Variants in CCDC90B observed in about 807,000 individuals in gnomAD.
The protein encoded by CCDC90B is coiled-coil domain-containing protein 90B, mitochondrial.
Under a neutral mutation model 37.0 loss-of-function variants are expected in CCDC90B, and 24 were observed. The observed-to-expected ratio is 0.65, with a 90% CI of 0.47 to 0.91. The LOEUF (loss-of-function observed/expected upper bound fraction) is 0.91, where lower values mean the gene tolerates loss of function less well. Among genes scored for constraint, CCDC90B ranks in the 40% least tolerant of loss-of-function variants. The pLI, the probability that CCDC90B is intolerant of heterozygous loss-of-function variation, is 0.00. For synonymous variants in CCDC90B, 113 were observed against 101.1 expected (o/e 1.12, Z -0.71); for missense variants, 319 against 299.0 (o/e 1.07, Z -0.49).
chr11:83,266,074 G>A (rs763734288), intron 7 of CCDC90B, 95 bp from the exon 8 acceptor site: 3 of 647,518 alleles, frequency 4.6e-6, no homozygotes, highest in South Asian at 3.9e-5. Flanking sequence ...TGGGCTAATT[G>A]TGATATAAAA....
At chr11:83,267,479 C>A (rs1337510929) in intron 7 of CCDC90B, 2 of 152,078 alleles carry the variant, frequency 1.3e-5, no homozygotes, top group Non-Finnish European at 2.9e-5. Flanking sequence ...GCCCAAGCTT[C>A]AACAGCTGAT....
At position 83,273,854 on chromosome 11, in the gene CCDC90B, C is replaced by G; in HGVS notation, c.479G>C (p.Ser160Thr). 1.2e-6 allele frequency: 2 copies of G among 1,609,026 alleles called. No homozygotes were observed. Among genetic ancestry groups the G allele is most frequent in the Non-Finnish European group, 1.7e-6 (2 of 1,177,564 alleles). Reference protein sequence around the residue: ...QVKQQLMHETSRIRADNKLDI... With the variant: ...QVKQQLMHETTRIRADNKLDI... The stretch of plus-strand genomic sequence containing the variant: ...CAGTTTATTATCTGCTCTGATTCGA[C>G]TGGTTTCATGCTTTAAAGAAAGCAA... The change falls in exon 6 of 9, where the codon AGT becomes ACT. Residue 160 changes from serine to threonine, a missense_variant. Coordinates refer to ENST00000529689, the MANE Select transcript of CCDC90B (RefSeq NM_021825.5).
chr11:83,266,442 A>C (rs1435995595), intron 7 of CCDC90B, among the ~76,000 whole-genome samples: 2 of 152,256 alleles, frequency 1.3e-5, no homozygotes, highest in African/African-American at 4.8e-5. Flanking sequence ...CTGGCAGACA[A>C]GGAGATTCTC....
At chr11:83,263,642 C>T (rs1183994847) in intron 8 of CCDC90B, among the ~76,000 whole-genome samples, 1 of 152,096 alleles carries the variant, frequency 6.6e-6, no homozygotes, top group Non-Finnish European at 1.5e-5. Flanking sequence ...GGCGTCTGAC[C>T]CACGATGAAC....
intron 8 of CCDC90B, 80 bp downstream of exon 8, chr11:83,265,785 C>T: frequency 4.8e-6 from 4 of 830,328 alleles, no homozygotes; most frequent in Admixed American, 2.4e-5. Flanking sequence ...CCTTTTTTTC[C>T]TGTGCCTGCT....
intron 2 of CCDC90B, among the ~76,000 whole-genome samples, chr11:83,279,883 CTA>C (rs773861633): frequency 1.3e-5 from 2 of 151,810 alleles, no homozygotes; most frequent in Non-Finnish European, 2.9e-5. Context: ...CCTAGAAACT[CTA>C]GTTTTTTTTC....
chr11:83,264,873 C>T (rs1052514751), intron 8 of CCDC90B, among the ~76,000 whole-genome samples: 7 of 148,208 alleles, frequency 4.7e-5, no homozygotes, highest in Non-Finnish European at 1.0e-4. Context: ...AAACCAAACA[C>T]TGCATATTCT....
intron 7 of CCDC90B, among the ~76,000 whole-genome samples, chr11:83,268,768 T>G (rs997034621): frequency 2.0e-5 from 3 of 152,162 alleles, no homozygotes; most frequent in Non-Finnish European, 4.4e-5. Flanking sequence ...TTAATAGACA[T>G]CTACAGAACT....
chr11:83,281,633 T>C (rs1023957679), intron 1 of CCDC90B, among the ~76,000 whole-genome samples: 10 of 152,074 alleles, frequency 6.6e-5, no homozygotes, highest in Admixed American at 3.3e-4. Flanking sequence ...TGCCTTTGTG[T>C]GTAAATATCA....
At chr11:83,277,343 A>C (rs538972753) in intron 3 of CCDC90B, among the ~76,000 whole-genome samples, 34 of 152,302 alleles carry the variant, frequency 2.2e-4, no homozygotes, top group African/African-American at 7.9e-4. Context: ...CTTTTTCTTT[A>C]GTGGATTTAG....
At position 83,285,084 on chromosome 11, in the gene CCDC90B, A is replaced by G. The variant is rs1865600667; in HGVS notation, c.100+789T>C. The G allele has an allele frequency of 6.3e-6, 7 of 1,116,788 alleles. No individual in the cohort carries two copies. In the South Asian group the frequency reaches 1.2e-4, roughly 18 times the overall value. 69.2% of individuals were successfully genotyped at this position (1,116,788 alleles called of 1,614,324 possible). ...GCACAAGTAACAATATGGAGTATAAATAACAGCGTAGAAGTGTTTGGGTAC... is the reference window on the plus strand; with the variant it reads ...GCACAAGTAACAATATGGAGTATAAGTAACAGCGTAGAAGTGTTTGGGTAC... On this transcript the variant is annotated intron_variant, in intron 1 of 8. Transcript: ENST00000529689.
intron 8 of CCDC90B, 88 bp from the exon 9 acceptor site, chr11:83,262,054 G>A: frequency 4.6e-6 from 4 of 866,738 alleles, no homozygotes; most frequent in South Asian, 1.9e-5. Flanking sequence ...TAAGTGAAGA[G>A]CAAAAAACAG....
chr11:83,265,963 C>G lies in CCDC90B; in HGVS notation c.611G>C (p.Ser204Thr). The G allele has an allele frequency of 2.5e-6, 4 of 1,604,434 alleles. No individual in the cohort carries two copies. The highest frequency in any genetic ancestry group is 3.4e-6 in the Non-Finnish European group (4 of 1,171,774). Residue 204 changes from serine (S) to threonine (T), a missense_variant, in exon 8 of 9, where the codon AGT becomes ACT. By Grantham distance (58) the Ser-to-Thr change is moderately conservative (BLOSUM62 1). Coordinates refer to ENST00000529689, the MANE Select transcript of CCDC90B (RefSeq NM_021825.5). Reference sequence around the variant, plus strand: ...TTTATTACTGGTCTCTGAAATAATACTTTTGGTTTGAGTATCCTGTGGTAA... The same window carrying G: ...TTTATTACTGGTCTCTGAAATAATAGTTTTGGTTTGAGTATCCTGTGGTAA... Reference protein sequence around the residue: ...EFTKKDTQTKSIISETSNKID... With the variant: ...EFTKKDTQTKTIISETSNKID...
intron 1 of CCDC90B, 173 bp downstream of exon 1, chr11:83,285,700 G>C (rs891202597): frequency 8.4e-6 from 12 of 1,432,784 alleles, no homozygotes; most frequent in Non-Finnish European, 1.0e-5. Context: ...CTCGCCCCTT[G>C]GGGCGAGCTG....
rs1377387574 is a variant in CCDC90B, at chr11:83,260,440, AAT to A, written c.*1469_*1470del. The A allele has an allele frequency of 2.0e-5, 3 of 152,204 alleles. No homozygotes were observed. The highest frequency in any genetic ancestry group is 2.9e-5 in the Non-Finnish European group (2 of 68,032). The allele number at this position is 152,204 out of a possible 1,614,324, so 9.4% of individuals were successfully genotyped here. A position where few individuals can be genotyped will look rare whatever the true frequency, so the allele number is the denominator to read the frequency against. On this transcript the variant is annotated 3_prime_UTR_variant, in exon 9 of 9. Transcript: ENST00000529689. ...TAATATACTAAGAACTCTCTTAGGC[AAT>A]AGAGATAAAAATGAATCAGAATGTA...
chr11:83,285,791 G>C lies in CCDC90B; in HGVS notation c.100+82C>G, dbSNP rs1399071883. 4.6e-6 allele frequency: 7 copies of C among 1,512,274 alleles called. No homozygotes were observed. In the Admixed American group the frequency reaches 1.5e-4, roughly 32 times the overall value. The allele number at this position is 1,512,274 out of a possible 1,614,324, so 93.7% of individuals were successfully genotyped here. ...GGAGGGCGTGGCACCTTCTCTTCCC[G>C]TTCGCTCGAGCAGGCGCGACCCCAC... is the stretch of plus-strand genomic sequence containing the variant. On this transcript the variant is annotated intron_variant, in intron 1 of 8. Transcript: ENST00000529689.
chr11:83,269,322 G>A (rs1481223851), intron 7 of CCDC90B, among the ~76,000 whole-genome samples: 1 of 150,990 alleles, frequency 6.6e-6, no homozygotes, highest in Non-Finnish European at 1.5e-5. Context: ...TTAAAAAAGA[G>A]ATAAGAGACA....
chr11:83,286,274 G>GT lies in CCDC90B; in HGVS notation c.-303dup. On this transcript the variant is annotated 5_prime_UTR_variant, in exon 1 of 9. It introduces an in-frame stop codon into an upstream open reading frame of the 5' UTR. Transcript: ENST00000529689. Reference sequence around the variant, plus strand: ...CTTGTCAGAGAACCTTCCGGCGCCTGTTTCCTGGCAGTGGGGCATAGTCCA... The same window carrying GT: ...CTTGTCAGAGAACCTTCCGGCGCCTGTTTTCCTGGCAGTGGGGCATAGTCCA... 1 of 1,343,568 alleles carries GT rather than the reference G, an allele frequency of 7.4e-7. No individual in the cohort carries two copies. The highest frequency in any genetic ancestry group is 2.5e-5 in the East Asian group (1 of 39,504). 83.2% of individuals were successfully genotyped at this position (1,343,568 alleles called of 1,614,324 possible). A position where few individuals can be genotyped will look rare whatever the true frequency, so the allele number is the denominator to read the frequency against.
chr11:83,273,846 T>G lies in CCDC90B; in HGVS notation c.487A>C (p.Arg163=), dbSNP rs1864849555. The part of the protein sequence containing the change: ...QQLMHETSRI[R]ADNKLDINLE... ...TTGATATCCAGTTTATTATCTGCTC[T>G]GATTCGACTGGTTTCATGCTTTAAA... Residue 163 remains arginine (R), a synonymous_variant, in exon 6 of 9, where the codon AGA becomes CGA. Coordinates refer to ENST00000529689, the MANE Select transcript of CCDC90B (RefSeq NM_021825.5). 6.2e-7 allele frequency: 1 copy of G among 1,609,800 alleles called. No individual in the cohort carries two copies. Among genetic ancestry groups the G allele is most frequent in the South Asian group, 1.1e-5 (1 of 90,436 alleles).
Sources: gnomAD v4.1 joint callset for allele counts (sites outside exome capture counted in the v4.1 genomes callset) on GRCh38, gnomAD v4.1.1 for gene constraint, MANE v1.5 for transcripts, NCBI Gene and HGNC (gene_info 2026-07-23, HGNC 2026-07-21) for gene names.